PTPRT: variants seen among roughly 807,000 people sequenced by gnomAD.
PTPRT encodes the protein protein tyrosine phosphatase receptor type T, also known as receptor-type tyrosine-protein phosphatase T.
PTPRT carries 56 observed loss-of-function variants against 176.8 expected under a neutral mutation model. The ratio of observed to expected loss-of-function variants is 0.32; its 90% CI spans 0.26 to 0.40. PTPRT has a LOEUF of 0.40. PTPRT is among the 10% of genes least tolerant of loss of function. PTPRT has a pLI of 1.00. For synonymous variants in PTPRT, 783 were observed against 739.0 expected (o/e 1.06, Z -0.96); for missense variants, 1,540 against 1,908.2 (o/e 0.81, Z 3.60).
At position 42,888,692 on chromosome 20, in the gene PTPRT, G is replaced by C. The variant is rs538060938; in HGVS notation, c.89-2760C>G. ...TAATAAGAGGGGCCAGGCAGATAAA[G>C]AACTTCCAAGGTGGTTGGGCCTCTC... On this transcript the variant is annotated intron_variant, in intron 1 of 30. Transcript: ENST00000373187. Among the ~76,000 whole-genome samples, 6 of 152,250 alleles carry C rather than the reference G, an allele frequency of 3.9e-5. No individual in the cohort carries two copies. In the East Asian group the frequency reaches 7.7e-4, roughly 20 times the overall value.
chr20:42,822,259 C>T (rs537229171), intron 2 of PTPRT, among the ~76,000 whole-genome samples: 14 of 152,236 alleles, frequency 9.2e-5, no homozygotes, highest in Middle Eastern at 3.4e-3. Flanking sequence ...ACATCTACAA[C>T]CATCTGATCT....
At chr20:42,785,819 T>C (rs188903747) in intron 3 of PTPRT, among the ~76,000 whole-genome samples, 2 of 152,310 alleles carry the variant, frequency 1.3e-5, no homozygotes, top group East Asian at 3.9e-4. Context: ...TGTCTCTTTT[T>C]CCCTCTTTTC....
intron 24 of PTPRT, 27 bp from the exon 25 acceptor site, chr20:42,104,745 G>A (rs1296419210): frequency 1.9e-6 from 3 of 1,542,980 alleles, no homozygotes; most frequent in African/African-American, 2.7e-5. Flanking sequence ...GAGGGAATGG[G>A]GTGCCAGGTA....
intron 1 of PTPRT, among the ~76,000 whole-genome samples, chr20:43,094,091 C>CTTTTTTTT (rs11478226): frequency 7.7e-6 from 1 of 130,694 alleles, no homozygotes; most frequent in Non-Finnish European, 1.6e-5. Flanking sequence ...TTCTTTCTTT[C>CTTTTTTTT]TTTTTTTTTT....
At chr20:42,569,123 T>A (rs1021666009) in intron 7 of PTPRT, among the ~76,000 whole-genome samples, 2 of 122,174 alleles carry the variant, frequency 1.6e-5, no homozygotes, top group African/African-American at 6.2e-5. Flanking sequence ...ATTTCAACTT[T>A]CATGCCATGC....
At chr20:42,828,600 C>A (rs370051599) in intron 2 of PTPRT, among the ~76,000 whole-genome samples, 1 of 152,158 alleles carries the variant, frequency 6.6e-6, no homozygotes, top group Non-Finnish European at 1.5e-5. Context: ...GGCCCAGGGA[C>A]CCCTGCTGTG....
At chr20:42,610,633 G>C (rs1165159910) in intron 7 of PTPRT, among the ~76,000 whole-genome samples, 2 of 152,158 alleles carry the variant, frequency 1.3e-5, no homozygotes, top group African/African-American at 2.4e-5. Context: ...TCACCTGCTT[G>C]TGTGTCAGGC....
intron 2 of PTPRT, among the ~76,000 whole-genome samples, chr20:42,857,533 G>A (rs2078586581): frequency 5.3e-5 from 8 of 152,132 alleles, no homozygotes; most frequent in Admixed American, 4.6e-4. Flanking sequence ...CCGAGCTTCT[G>A]CGGAGTTGCC....
chr20:42,464,642 G>C (rs1391223124), intron 8 of PTPRT, among the ~76,000 whole-genome samples: 1 of 152,088 alleles, frequency 6.6e-6, no homozygotes, highest in Non-Finnish European at 1.5e-5. Flanking sequence ...AGACCATCTT[G>C]GTAAACATCT....
chr20:42,040,081 C>T, the PTPRT span, among the ~76,000 whole-genome samples: 96,193 of 151,208 alleles, frequency 0.64, 31,833 homozygotes, highest in African/African-American at 0.82. Flanking sequence ...CCTTTTTTTT[C>T]CCCACAGTCT....
chr20:42,739,903 T>G (rs2076583541), intron 6 of PTPRT, among the ~76,000 whole-genome samples: 1 of 152,208 alleles, frequency 6.6e-6, no homozygotes, highest in South Asian at 2.1e-4. Flanking sequence ...TATTTTGGTA[T>G]GCCCAGCATT....
intron 7 of PTPRT, among the ~76,000 whole-genome samples, chr20:42,580,221 T>A (rs1568992559): frequency 6.6e-6 from 1 of 152,192 alleles, no homozygotes; most frequent in African/African-American, 2.4e-5. Flanking sequence ...TGTAGATATA[T>A]GGCATTATTG....
chr20:42,169,302 T>C (rs969314737), intron 16 of PTPRT, among the ~76,000 whole-genome samples: 2 of 152,132 alleles, frequency 1.3e-5, no homozygotes, highest in African/African-American at 2.4e-5. Flanking sequence ...AAAATGCTTC[T>C]AGGATTCATT....
chr20:42,139,435 G>A (rs958320161), intron 18 of PTPRT, among the ~76,000 whole-genome samples: 10 of 152,210 alleles, frequency 6.6e-5, no homozygotes, highest in African/African-American at 1.7e-4. Context: ...GGTGATGTAC[G>A]ACAGGGAAGA....
chr20:42,697,050 CTT>C (rs976260300), intron 6 of PTPRT, among the ~76,000 whole-genome samples: 1 of 152,150 alleles, frequency 6.6e-6, no homozygotes, highest in South Asian at 2.1e-4. Flanking sequence ...TATTACCAGA[CTT>C]TTTTTGTGTC....
At chr20:43,132,424 A>C (rs115128894) in intron 1 of PTPRT, among the ~76,000 whole-genome samples, 5,205 of 152,258 alleles carry the variant, frequency 0.034, 323 homozygotes, top group African/African-American at 0.12. Context: ...ATCACCCGTA[A>C]CCCTGGAGGG....
intron 23 of PTPRT, among the ~76,000 whole-genome samples, chr20:42,107,772 T>C (rs1254135617): frequency 2.0e-5 from 3 of 152,120 alleles, no homozygotes; most frequent in Non-Finnish European, 4.4e-5. Context: ...TGTCTAACAA[T>C]GTAGATGTCA....
chr20:42,791,607 G>T, intron 2 of PTPRT, 141 bp from the exon 3 acceptor site: 1 of 856,320 alleles, frequency 1.2e-6, no homozygotes, highest in Non-Finnish European at 1.7e-6. Context: ...GGGTGACCCT[G>T]CAAAAGCCAC....
At chr20:42,083,072 A>G (rs1312636335) in intron 29 of PTPRT, among the ~76,000 whole-genome samples, 1 of 134,162 alleles carries the variant, frequency 7.5e-6, no homozygotes, top group African/African-American at 2.8e-5. Context: ...GGCTCAAACT[A>G]CTGGCCACCT....
Sources: gnomAD v4.1 joint callset for allele counts (sites outside exome capture counted in the v4.1 genomes callset) on GRCh38, gnomAD v4.1.1 for gene constraint, MANE v1.5 for transcripts, NCBI Gene and HGNC (gene_info 2026-07-23, HGNC 2026-07-21) for gene names.